SH3BGRL: variants seen among roughly 807,000 people sequenced by gnomAD.
The protein encoded by SH3BGRL is SH3 domain binding glutamate rich protein like.
SH3BGRL carries 7 observed loss-of-function variants against 9.8 expected under a neutral mutation model. The observed-to-expected ratio is 0.72, with a 90% confidence interval of 0.41 to 1.35. The LOEUF (loss-of-function observed/expected upper bound fraction) is 1.35. Among genes scored for constraint, SH3BGRL ranks in the 40% most tolerant of loss-of-function variants. The pLI, the probability that SH3BGRL is intolerant of heterozygous loss-of-function variation, is 0.01. For missense variants in SH3BGRL, 73 were observed against 84.4 expected (o/e 0.86, Z 0.53); for synonymous variants, 36 against 29.1 (o/e 1.24, Z -0.76).
intron 3 of SH3BGRL, among the ~76,000 whole-genome samples, chrX:81,285,903 C>A (rs1458042728): frequency 9.0e-6 from 1 of 111,540 alleles, no homozygotes; most frequent in Admixed American, 9.5e-5. Flanking sequence ...TATGCATTTT[C>A]TCCTATTCTC....
At chrX:81,203,786 G>A (rs1329337178) in intron 1 of SH3BGRL, among the ~76,000 whole-genome samples, 1 of 111,904 alleles carries the variant, frequency 8.9e-6, no homozygotes, top group Non-Finnish European at 1.9e-5. Flanking sequence ...TTCTATTCAA[G>A]TAAGAATAAC....
intron 1 of SH3BGRL, among the ~76,000 whole-genome samples, chrX:81,246,100 G>T (rs138889233): frequency 9.0e-6 from 1 of 111,175 alleles, no homozygotes; most frequent in Non-Finnish European, 1.9e-5. Context: ...TGTATTGGCC[G>T]TTTGTATATC....
chrX:81,245,946 T>C (rs1323524529), intron 1 of SH3BGRL, among the ~76,000 whole-genome samples: 1 of 112,225 alleles, frequency 8.9e-6, no homozygotes, highest in Non-Finnish European at 1.9e-5. Flanking sequence ...ATCAACAGCA[T>C]ATAAGCATTC....
chrX:81,247,249 T>C (rs1193566037), intron 1 of SH3BGRL, among the ~76,000 whole-genome samples: 2 of 111,912 alleles, frequency 1.8e-5, no homozygotes, highest in Non-Finnish European at 3.8e-5. Flanking sequence ...AATCTTATTG[T>C]CTGTGATGAG....
intron 1 of SH3BGRL, among the ~76,000 whole-genome samples, chrX:81,211,479 C>G (rs1430211367): frequency 9.1e-6 from 1 of 110,178 alleles, no homozygotes; most frequent in Non-Finnish European, 1.9e-5. Context: ...CCCAGCTACT[C>G]GGGAGGCTGA....
intron 1 of SH3BGRL, among the ~76,000 whole-genome samples, chrX:81,234,690 A>C (rs2075642398): frequency 8.9e-6 from 1 of 112,124 alleles, no homozygotes; most frequent in Admixed American, 9.4e-5. Flanking sequence ...AAAATCATTA[A>C]GGCTCTCTGG....
At chrX:81,279,420 A>G (rs2075808700) in intron 3 of SH3BGRL, among the ~76,000 whole-genome samples, 1 of 111,101 alleles carries the variant, frequency 9.0e-6, no homozygotes, top group African/African-American at 3.3e-5. Context: ...GACTGCAAGA[A>G]CAAACCAGCA....
chrX:81,222,307 T>A (rs2075602258), intron 1 of SH3BGRL, among the ~76,000 whole-genome samples: 1 of 100,971 alleles, frequency 9.9e-6, no homozygotes, highest in South Asian at 5.2e-4. Flanking sequence ...TATCTCCTAA[T>A]GCTATCCCTC....
chrX:81,262,007 A>G (rs2075742892), intron 1 of SH3BGRL, among the ~76,000 whole-genome samples: 1 of 111,559 alleles, frequency 9.0e-6, no homozygotes, highest in South Asian at 3.8e-4. Flanking sequence ...ATATTTCCAA[A>G]TAAGAGTCAA....
intron 1 of SH3BGRL, among the ~76,000 whole-genome samples, chrX:81,243,853 G>T (rs765218610): frequency 9.0e-6 from 1 of 111,337 alleles, no homozygotes; most frequent in Non-Finnish European, 1.9e-5. Context: ...GGAAACTGAG[G>T]CCTTGAGGAT....
intron 3 of SH3BGRL, among the ~76,000 whole-genome samples, chrX:81,292,554 C>G (rs1235988884): frequency 3.6e-5 from 4 of 112,635 alleles, no homozygotes; most frequent in Non-Finnish European, 5.6e-5. Flanking sequence ...TCTTTATTGT[C>G]TTGGCTATTA....
chrX:81,258,543 A>G (rs1202735914), intron 1 of SH3BGRL, among the ~76,000 whole-genome samples: 2 of 112,481 alleles, frequency 1.8e-5, no homozygotes, highest in Non-Finnish European at 3.8e-5. Flanking sequence ...TAGTGCTATT[A>G]GGAACTCTGT....
At chrX:81,231,980 G>A (rs757864866) in intron 1 of SH3BGRL, among the ~76,000 whole-genome samples, 2 of 110,616 alleles carry the variant, frequency 1.8e-5, no homozygotes, top group Non-Finnish European at 3.8e-5. Context: ...ACACACACAC[G>A]TATATGTATA....
chrX:81,261,803 A>G (rs757425413), intron 1 of SH3BGRL, among the ~76,000 whole-genome samples: 1 of 111,451 alleles, frequency 9.0e-6, no homozygotes, highest in East Asian at 2.8e-4. Context: ...GGTAAAAAGA[A>G]TGCATGTAGG....
At chrX:81,262,357 G>T (rs376946931) in intron 1 of SH3BGRL, among the ~76,000 whole-genome samples, 1 of 111,723 alleles carries the variant, frequency 9.0e-6, no homozygotes, top group East Asian at 2.8e-4. Flanking sequence ...GATGTGATGA[G>T]AAAGGCATTT....
In SH3BGRL at chrX:81,278,421, C is replaced by T; in HGVS notation, c.312+10C>T. The T allele has an allele frequency of 2.8e-6, 3 of 1,084,204 alleles. No homozygotes were observed. The highest frequency in any genetic ancestry group is 2.0e-5 in the South Asian group (1 of 49,596). The allele number at this position is 1,084,204 out of a possible 1,213,427, so 89.4% of individuals were successfully genotyped here. A position where few individuals can be genotyped will look rare whatever the true frequency, so the allele number is the denominator to read the frequency against. Reference sequence around the variant, plus strand: ...CCCACCTGGTTCAAAGGTATGATACCCTTTTTTTCCTGTTTTATAGGTCAT... The same window carrying T: ...CCCACCTGGTTCAAAGGTATGATACTCTTTTTTTCCTGTTTTATAGGTCAT... On this transcript the variant is annotated intron_variant, in intron 3 of 3. Coordinates refer to ENST00000373212, the MANE Select transcript of SH3BGRL (RefSeq NM_003022.3).
At chrX:81,295,098 G>A (rs1008063533) in intron 3 of SH3BGRL, among the ~76,000 whole-genome samples, 4 of 111,910 alleles carry the variant, frequency 3.6e-5, no homozygotes, top group South Asian at 3.8e-4. Context: ...TTTCAGATGA[G>A]ACTTCAGACT....
intron 1 of SH3BGRL, among the ~76,000 whole-genome samples, chrX:81,227,095 C>G (rs2075619492): frequency 8.9e-6 from 1 of 111,961 alleles, no homozygotes; most frequent in African/African-American, 3.2e-5. Context: ...ACAGATCTTT[C>G]AAGATTGTCA....
At chrX:81,257,354 A>C (rs2075728429) in intron 1 of SH3BGRL, among the ~76,000 whole-genome samples, 1 of 112,175 alleles carries the variant, frequency 8.9e-6, no homozygotes, top group African/African-American at 3.2e-5. Context: ...GTTCTGTATT[A>C]GTTTTCTATG....
Sources: gnomAD v4.1 joint callset for allele counts (sites outside exome capture counted in the v4.1 genomes callset) on GRCh38, gnomAD v4.1.1 for gene constraint, MANE v1.5 for transcripts, NCBI Gene and HGNC (gene_info 2026-07-23, HGNC 2026-07-21) for gene names.